ADAP1: variants seen among roughly 807,000 people sequenced by gnomAD.
ADAP1 encodes ArfGAP with dual PH domains 1, also known as arf-GAP with dual PH domain-containing protein 1.
A neutral mutation model predicts 54.9 loss-of-function variants in ADAP1; 31 were observed. That is an observed-to-expected ratio of 0.56 (90% CI 0.42 to 0.76). The LOEUF (loss-of-function observed/expected upper bound fraction) is 0.76. Among genes scored for constraint, ADAP1 ranks in the 30% least tolerant of loss-of-function variants. ADAP1 has a pLI of 0.00. For synonymous variants in ADAP1, 313 were observed against 202.6 expected (o/e 1.55, Z -4.63); for missense variants, 535 against 512.4 (o/e 1.04, Z -0.42).
At chr7:908,148 G>C (rs115437481) in intron 4 of ADAP1, among the ~76,000 whole-genome samples, 3 of 152,142 alleles carry the variant, frequency 2.0e-5, no homozygotes, top group Non-Finnish European at 4.4e-5. Context: ...AGGGACGCGA[G>C]GGGGCTGTGG....
rs1846382141 is a variant in ADAP1, at chr7:926,225, T to C, written c.305+328A>G. ...CCCGAAACAACAGCCGCCCCTCCCG[T>C]TCCCCTCCCAGACCGCCAGGAGCAC... On this transcript the variant is annotated intron_variant, in intron 3 of 10. Transcript: ENST00000265846. The surrounding 1 kb of genome is among the most constrained non-coding windows in gnomAD (Gnocchi z 4.6). 6.6e-6 allele frequency among the ~76,000 whole-genome samples: 1 copy of C among 151,914 alleles called. No individual in the cohort carries two copies. The highest frequency in any genetic ancestry group is 2.4e-5 in the African/African-American group (1 of 41,360).
chr7:929,019 C>T (rs951039240), intron 2 of ADAP1, among the ~76,000 whole-genome samples: 3 of 152,208 alleles, frequency 2.0e-5, no homozygotes, highest in African/African-American at 4.8e-5. Flanking sequence ...GCCGGCCGGG[C>T]GCGGGGGCTC....
At chr7:941,070 C>T (rs1441949441) in intron 1 of ADAP1, among the ~76,000 whole-genome samples, 1 of 149,706 alleles carries the variant, frequency 6.7e-6, no homozygotes, top group African/African-American at 2.5e-5. Flanking sequence ...CCCAATTTGA[C>T]ATAGATGATT....
At position 904,287 on chromosome 7, in the gene ADAP1, GGTCTAAGCACCTCACAGGGGCCGTC is replaced by G. The variant is rs1844978502; in HGVS notation, c.502-40_502-16del. 1 of 1,564,678 alleles carries G rather than the reference GGTCTAAGCACCTCACAGGGGCCGTC, an allele frequency of 6.4e-7. No homozygotes were observed. The highest frequency in any genetic ancestry group is 1.7e-4 in the Middle Eastern group (1 of 5,802). ...GGCTCCTTGGCCTGAGAAGGGGTGG[GGTCTAAGCACCTCACAGGGGCCGTC>G]GTCCAAGCTCAAGGGAGCAGGAAGG... On this transcript the variant is annotated splice_polypyrimidine_tract_variant and intron_variant, in intron 5 of 10. Coordinates refer to ENST00000265846, the MANE Select transcript of ADAP1 (RefSeq NM_006869.4).
chr7:922,209 G>A (rs996047479), intron 3 of ADAP1, among the ~76,000 whole-genome samples: 11 of 152,186 alleles, frequency 7.2e-5, no homozygotes, highest in Non-Finnish European at 1.3e-4. Flanking sequence ...CCGGGACGGA[G>A]AGCCACCAGG....
At position 920,816 on chromosome 7, in the gene ADAP1, G is replaced by A. The variant is rs754583408; in HGVS notation, c.306-766C>T. ...AAGCCAATACCATTGCAGAAACCACGACCCACACACAGGCCCGGCACGGCC... is the reference window on the plus strand; with the variant it reads ...AAGCCAATACCATTGCAGAAACCACAACCCACACACAGGCCCGGCACGGCC... On this transcript the variant is annotated intron_variant, in intron 3 of 10. Coordinates refer to ENST00000265846, the MANE Select transcript of ADAP1 (RefSeq NM_006869.4). This position sits in a 1 kb window ranked among gnomAD's most constrained non-coding sequence, Gnocchi z 4.5. 7.2e-5 allele frequency: 111 copies of A among 1,549,872 alleles called. 2 individuals carry two copies. The South Asian group carries it at 1.0e-3, about 15-fold the overall frequency.
At chr7:900,425 C>A (rs1844731435) in intron 7 of ADAP1, 108 bp downstream of exon 7, 1 of 1,260,164 alleles carries the variant, frequency 7.9e-7, no homozygotes. Flanking sequence ...AGTCCCAGGC[C>A]CACCCTAGGG....
intron 7 of ADAP1, 60 bp downstream of exon 7, chr7:900,473 T>TGCCCCCCCCCCCC: frequency 6.7e-7 from 1 of 1,486,584 alleles, no homozygotes; most frequent in Non-Finnish European, 9.2e-7. Context: ...GAGGGCTCCG[T>TGCCCCCCCCCCCC]CCACCCCCCA....
At chr7:899,942 G>C (rs1844704565) in intron 8 of ADAP1, among the ~76,000 whole-genome samples, 160 bp downstream of exon 8, 1 of 152,248 alleles carries the variant, frequency 6.6e-6, no homozygotes, top group Non-Finnish European at 1.5e-5. Flanking sequence ...AGTGGCCCGA[G>C]TCCTCGGGGA....
chr7:923,748 C>T (rs115005852), intron 3 of ADAP1, among the ~76,000 whole-genome samples: 1,998 of 152,230 alleles, frequency 0.013, 33 homozygotes, highest in African/African-American at 0.044. Context: ...CTGCTCCGGA[C>T]GCTGCCCGCC....
At chr7:905,032 C>A (rs775728239) in intron 5 of ADAP1, 28 bp downstream of exon 5, 2 of 1,591,442 alleles carry the variant, frequency 1.3e-6, no homozygotes, top group African/African-American at 1.3e-5. Flanking sequence ...TGGGACAGGC[C>A]CCCACCCCAC....
At chr7:925,670 G>C (rs1271878571) in intron 3 of ADAP1, among the ~76,000 whole-genome samples, 1 of 152,254 alleles carries the variant, frequency 6.6e-6, no homozygotes. Context: ...CTCAGCCCCC[G>C]AGTCAGGGCA....
intron 4 of ADAP1, among the ~76,000 whole-genome samples, chr7:906,547 A>G (rs1409996584): frequency 7.0e-4 from 1 of 1,430 alleles, no homozygotes; most frequent in Non-Finnish European, 1.3e-3. Flanking sequence ...AGGAGAAGGG[A>G]GAAAGGGAGA....
rs1289659282 is a variant in ADAP1 at position 954,619 on chromosome 7, T to C, written c.-142A>G. On this transcript the variant is annotated 5_prime_UTR_variant, in exon 1 of 11. Transcript: ENST00000265846. ...CTCAGCCCGCGCGCCGGTTCCGCATTCCCGCCGCCCTCTGGGCTCCGCCGC... is the reference window on the plus strand; with the variant it reads ...CTCAGCCCGCGCGCCGGTTCCGCATCCCCGCCGCCCTCTGGGCTCCGCCGC... The C allele has an allele frequency of 1.0e-6, 1 of 981,418 alleles. No individual in the cohort carries two copies. Among genetic ancestry groups the C allele is most frequent in the Non-Finnish European group, 1.2e-6 (1 of 828,744 alleles). The allele number at this position is 981,418 out of a possible 1,614,324, so 60.8% of individuals were successfully genotyped here.
intron 4 of ADAP1, among the ~76,000 whole-genome samples, chr7:908,024 G>A (rs530374741): frequency 2.0e-5 from 3 of 152,294 alleles, no homozygotes; most frequent in East Asian, 1.9e-4. Context: ...GGGCCTGTCC[G>A]TGACCCCTCA....
At chr7:905,248 C>T in intron 4 of ADAP1, 76 bp from the exon 5 acceptor site, 2 of 1,044,862 alleles carry the variant, frequency 1.9e-6, no homozygotes, top group Non-Finnish European at 2.8e-6. Context: ...ATGGACAGGA[C>T]AGAGGGGACA....
intron 1 of ADAP1, among the ~76,000 whole-genome samples, chr7:936,577 G>A (rs1160072875): frequency 1.3e-5 from 2 of 152,220 alleles, no homozygotes; most frequent in Non-Finnish European, 2.9e-5. Flanking sequence ...GTCCAGCCCC[G>A]CCCTGGGGCG....
At position 945,774 on chromosome 7, in the gene ADAP1, C is replaced by A; in HGVS notation, c.82+8622G>T. 8 of 985,724 alleles carry A rather than the reference C, an allele frequency of 8.1e-6. No homozygotes were observed. The highest frequency in any genetic ancestry group is 9.6e-6 in the Non-Finnish European group (8 of 830,072). 61.1% of individuals were successfully genotyped at this position (985,724 alleles called of 1,614,324 possible). A position where few individuals can be genotyped will look rare whatever the true frequency, so the allele number is the denominator to read the frequency against. The stretch of plus-strand genomic sequence containing the variant: ...CGCTCTGCCCTACCTGCTCCCAGGA[C>A]GCCCGAGGTGACTCAGCCGCTCACC... On this transcript the variant is annotated intron_variant, in intron 1 of 10. Transcript: ENST00000265846. The surrounding 1 kb of genome is among the most constrained non-coding windows in gnomAD (Gnocchi z 4.2).
rs753057723 is a variant in ADAP1 at position 935,387 on chromosome 7, C to A, written c.201G>T (p.Glu67Asp). ...VKSVRLDAWE[E>D]AQVEFMASHG... Reference sequence around the variant, plus strand: ...TCCCCCTCCGTACCTCCACTTGGGCCTCCTCCCAGGCGTCCAGGCGGACGG... The same window carrying A: ...TCCCCCTCCGTACCTCCACTTGGGCATCCTCCCAGGCGTCCAGGCGGACGG... The change falls in exon 2 of 11, where the codon GAG (glutamate) becomes GAT (aspartate). Residue 67 changes from glutamate to aspartate, a missense_variant. Glu to Asp is a conservative substitution (Grantham distance 45). Transcript: ENST00000265846. The A allele has an allele frequency of 6.4e-7, 1 of 1,560,236 alleles. No individual in the cohort carries two copies.
Sources: gnomAD v4.1 joint callset for allele counts (sites outside exome capture counted in the v4.1 genomes callset) on GRCh38, gnomAD v4.1.1 for gene constraint, Gnocchi (gnomAD v3.1) non-coding constraint, MANE v1.5 for transcripts, NCBI Gene and HGNC (gene_info 2026-07-23, HGNC 2026-07-21) for gene names.